DOT1L: variants seen among roughly 807,000 people sequenced by gnomAD.
DOT1L encodes the protein histone-lysine N-methyltransferase, H3 lysine-79 specific.
A neutral mutation model predicts 153.3 loss-of-function variants in DOT1L; 33 were observed. That is an observed-to-expected ratio of 0.22 (90% CI 0.16 to 0.29). The LOEUF is 0.29. Among genes scored for constraint, DOT1L ranks in the 10% least tolerant of loss-of-function variants. The probability of loss-of-function intolerance (pLI) is 1.00; values close to 1 mark genes in which losing one functional copy is unlikely to be tolerated. For missense variants in DOT1L, 1,847 were observed against 2,119.9 expected (o/e 0.87, Z 2.53); for synonymous variants, 1,135 against 965.1 (o/e 1.18, Z -3.26).
intron 1 of DOT1L, among the ~76,000 whole-genome samples, chr19:2,173,177 C>T (rs777247256): frequency 4.6e-5 from 7 of 152,036 alleles, no homozygotes; most frequent in South Asian, 4.1e-4. Flanking sequence ...CCACGAGTCC[C>T]GCGCTTTCCT....
At chr19:2,228,024 C>T (rs1226599030) in intron 27 of DOT1L, 4 of 1,300,204 alleles carry the variant, frequency 3.1e-6, no homozygotes, top group Non-Finnish European at 3.0e-6. Context: ...GCCTCCTCCC[C>T]CAACGCTGCT....
intron 20 of DOT1L, 44 bp downstream of exon 20, chr19:2,216,809 C>T (rs761281980): frequency 7.7e-6 from 12 of 1,561,264 alleles, no homozygotes; most frequent in South Asian, 1.2e-5. Flanking sequence ...TGGTACCTGC[C>T]GACTCTGCCT....
In DOT1L at chr19:2,226,279, T is replaced by A. The variant is rs374392653; in HGVS notation, c.3758T>A (p.Leu1253Gln). The part of the protein sequence containing the change: ...STFSPISDIG[L>Q]AKSADSPLQA... ...TTCTCGCCCATCTCCGACATCGGCC[T>A]GGCCAAGTCGGCGGACAGCCCGCTG... Residue 1253 changes from leucine (L) to glutamine (Q), a missense_variant, in exon 27 of 28, where the codon CTG becomes CAG. Leu to Gln is a moderately radical substitution (Grantham distance 113, BLOSUM62 -2). This residue lies in a region of DOT1L where 934 missense variants were observed against 825.3 expected (regional missense o/e 1.13). Transcript: ENST00000398665. The A allele has an allele frequency of 5.6e-6, 9 of 1,597,114 alleles. No homozygotes were observed. The highest frequency in any genetic ancestry group is 1.3e-5 in the African/African-American group (1 of 74,424).
chr19:2,169,943 G>A (rs1011943806), intron 1 of DOT1L, among the ~76,000 whole-genome samples: 1 of 152,162 alleles, frequency 6.6e-6, no homozygotes, highest in Non-Finnish European at 1.5e-5. Flanking sequence ...GATCACCTGC[G>A]GTCAGGAGTT....
At position 2,226,968 on chromosome 19, in the gene DOT1L, GCCAA is replaced by G; in HGVS notation, c.4450_4453del (p.Asn1484SerfsTer33). On this transcript the variant is annotated frameshift_variant, in exon 27 of 28. Transcript: ENST00000398665. LOFTEE classifies it high-confidence loss of function. ...CGCGCTCGGCCCCATGTCCCTGCAGGCCAACCTCGGCTCCGTGGCCGGCTCCTCC... is the reference window on the plus strand; with the variant it reads ...CGCGCTCGGCCCCATGTCCCTGCAGGCCTCGGCTCCGTGGCCGGCTCCTCC... 6.3e-7 allele frequency: 1 copy of G among 1,591,272 alleles called. No homozygotes were observed. The highest frequency in any genetic ancestry group is 8.5e-7 in the Non-Finnish European group (1 of 1,176,436).
In DOT1L at chr19:2,185,764, G is replaced by A. The variant is rs111378380; in HGVS notation, c.126-91G>A. 323 of 1,427,134 alleles carry A rather than the reference G, an allele frequency of 2.3e-4. 1 individual carries two copies. Among genetic ancestry groups the A allele is most frequent in the East Asian group, 2.2e-3 (94 of 43,400 alleles). 88.4% of individuals were successfully genotyped at this position (1,427,134 alleles called of 1,614,324 possible). A position where few individuals can be genotyped will look rare whatever the true frequency, so the allele number is the denominator to read the frequency against. On this transcript the variant is annotated intron_variant, in intron 2 of 27. Coordinates refer to ENST00000398665, the MANE Select transcript of DOT1L (RefSeq NM_032482.3). The stretch of plus-strand genomic sequence containing the variant: ...AGCCTGGGCAACAGAGTGAGACTCC[G>A]TCTCAAAACAAAAACAAAAACAAAA...
In DOT1L at chr19:2,210,449, A is replaced by G. The variant is rs1568356014; in HGVS notation, c.1055A>G (p.Asn352Ser). The change falls in exon 13 of 28, where the codon AAC becomes AGC. Residue 352 changes from asparagine to serine, a missense_variant. Asn to Ser is a conservative substitution (Grantham distance 46). This residue lies in a region of DOT1L where 205 missense variants were observed against 203.1 expected (regional missense o/e 1.01). Transcript: ENST00000398665. ...CGCCAGCAGCGCGAGAGCAAGAGCA[A>G]CGCGGCCACGCCCACTAAGGGCCCA... ...RRRQQRESKS[N>S]AATPTKGPEG... is the part of the protein sequence containing the mutation. The G allele has an allele frequency of 6.3e-6, 10 of 1,578,286 alleles. No individual in the cohort carries two copies. Among genetic ancestry groups the G allele is most frequent in the Admixed American group, 5.5e-5 (3 of 54,796 alleles).
chr19:2,209,189 C>A (rs563515559), intron 12 of DOT1L, among the ~76,000 whole-genome samples: 73 of 152,256 alleles, frequency 4.8e-4, no homozygotes, highest in African/African-American at 1.6e-3. Context: ...TGTCCTCCCC[C>A]TCTTCCTCTC....
chr19:2,219,536 C>G (rs2024034130), intron 22 of DOT1L, among the ~76,000 whole-genome samples: 1 of 152,198 alleles, frequency 6.6e-6, no homozygotes, highest in South Asian at 2.1e-4. Flanking sequence ...GCTTGATTCC[C>G]TGTTTTGGCG....
At chr19:2,225,287 TCAC>T (rs920091407) in intron 25 of DOT1L, 98 bp from the exon 26 acceptor site, 16 of 1,205,406 alleles carry the variant, frequency 1.3e-5, no homozygotes, top group Non-Finnish European at 1.7e-5. Flanking sequence ...TGCTTCTCGT[TCAC>T]CACCTCCGGA....
At chr19:2,182,048 C>A (rs2022264630) in intron 2 of DOT1L, among the ~76,000 whole-genome samples, 1 of 152,072 alleles carries the variant, frequency 6.6e-6, no homozygotes, top group South Asian at 2.1e-4. Context: ...CTTGGGGAAA[C>A]CCTGTCTCTA....
intron 19 of DOT1L, 41 bp from the exon 20 acceptor site, chr19:2,216,240 C>T (rs775304991): frequency 2.0e-5 from 30 of 1,528,120 alleles, no homozygotes; most frequent in African/African-American, 2.7e-5. Flanking sequence ...CTGGAGTGGT[C>T]CCCCGGTGGG....
rs1344744596 is a variant in DOT1L at position 2,225,396 on chromosome 19, G to T, written c.3605G>T (p.Arg1202Ile). 2 of 1,613,992 alleles carry T rather than the reference G, an allele frequency of 1.2e-6. No homozygotes were observed. Among genetic ancestry groups the T allele is most frequent in the Non-Finnish European group, 1.7e-6 (2 of 1,179,990 alleles). ...CCTTTTTTTCTTAACAGAATTGAGAGAAAAATTGCAACAATCTCCTTAGAA... is the reference window on the plus strand; with the variant it reads ...CCTTTTTTTCTTAACAGAATTGAGATAAAAATTGCAACAATCTCCTTAGAA... Reference protein sequence around the residue: ...EDEPSSARIERKIATISLESK... With the variant: ...EDEPSSARIEIKIATISLESK... The change falls in exon 26 of 28, where the codon AGA becomes ATA. Residue 1202 changes from arginine (R) to isoleucine (I), a missense_variant. Coordinates refer to ENST00000398665, the MANE Select transcript of DOT1L (RefSeq NM_032482.3).
chr19:2,172,781 C>T (rs950955237), intron 1 of DOT1L, among the ~76,000 whole-genome samples: 1 of 151,980 alleles, frequency 6.6e-6, no homozygotes, highest in Admixed American at 6.6e-5. Flanking sequence ...GGATTACAGG[C>T]GTGAGCCACT....
chr19:2,210,387 G>C lies in DOT1L; in HGVS notation c.1006-13G>C. The C allele has an allele frequency of 6.6e-7, 1 of 1,518,586 alleles. No homozygotes were observed. Among genetic ancestry groups the C allele is most frequent in the Non-Finnish European group, 8.8e-7 (1 of 1,134,732 alleles). 94.1% of individuals were successfully genotyped at this position (1,518,586 alleles called of 1,614,324 possible). On this transcript the variant is annotated splice_polypyrimidine_tract_variant and intron_variant, in intron 12 of 27. Coordinates refer to ENST00000398665, the MANE Select transcript of DOT1L (RefSeq NM_032482.3). ...GCTGGGGCTTCCTGTGGCTCAACCT[G>C]CTCTCCTTCCAGGAGGAACAGGAGG...
In DOT1L at chr19:2,211,146, G is replaced by T; in HGVS notation, c.1399G>T (p.Val467Leu). 2 of 1,612,954 alleles carry T rather than the reference G, an allele frequency of 1.2e-6. No homozygotes were observed. The highest frequency in any genetic ancestry group is 1.7e-6 in the Non-Finnish European group (2 of 1,179,782). Residue 467 changes from valine (V) to leucine (L), a missense_variant, in exon 15 of 28, where the codon GTG (valine) becomes TTG (leucine). Val to Leu is a conservative substitution (Grantham distance 32). Around this residue, in one of 8 missense-constraint regions of DOT1L, gnomAD observed 205 missense variants for 203.1 expected, o/e 1.01. Coordinates refer to ENST00000398665, the MANE Select transcript of DOT1L (RefSeq NM_032482.3). The part of the protein sequence containing the change: ...HSPFYQLPPS[V>L]QRHSPNPLLV... ...CCCGTTCTACCAGCTACCTCCGAGC[G>T]TGCAGCGGCACTCCCCCAACCCGCT...
intron 1 of DOT1L, among the ~76,000 whole-genome samples, chr19:2,173,437 A>T (rs1214756956): frequency 6.6e-6 from 1 of 152,136 alleles, no homozygotes; most frequent in African/African-American, 2.4e-5. Flanking sequence ...TCACAGTGAG[A>T]GCAGCCACCA....
chr19:2,189,303 C>A (rs555215117), intron 3 of DOT1L, among the ~76,000 whole-genome samples: 1 of 152,298 alleles, frequency 6.6e-6, no homozygotes, highest in South Asian at 2.1e-4. Flanking sequence ...GAGACCCCAG[C>A]CGTTCACCTG....
rs1158439464 is a variant in DOT1L, at chr19:2,224,480, TC to T, written c.3597-906del. 3.3e-5 allele frequency among the ~76,000 whole-genome samples: 5 copies of T among 150,856 alleles called. No individual in the cohort carries two copies. In the South Asian group the frequency reaches 8.4e-4, roughly 25 times the overall value. On this transcript the variant is annotated intron_variant, in intron 25 of 27. Transcript: ENST00000398665. ...TTTTTTGCTTTTTTTTTTTTTTTTTTCCTGAGACACAGAGTTTTGGTCTGTG... is the reference window on the plus strand; with the variant it reads ...TTTTTTGCTTTTTTTTTTTTTTTTTTCTGAGACACAGAGTTTTGGTCTGTG...
Sources: allele counts gnomAD v4.1 joint callset (sites outside exome capture counted in the v4.1 genomes callset), GRCh38; gene constraint gnomAD v4.1.1; regional missense constraint gnomAD v4.1.1; transcripts MANE v1.5; gene names NCBI Gene and HGNC (gene_info 2026-07-23, HGNC 2026-07-21).